Variants in FANK1 observed in about 807,000 individuals in gnomAD.
The protein encoded by FANK1 is fibronectin type III and ankyrin repeat domains 1.
A neutral mutation model predicts 45.3 loss-of-function variants in FANK1; 44 were observed. The observed-to-expected ratio is 0.97, with a 90% confidence interval of 0.76 to 1.25. The LOEUF is 1.25. Ranked by LOEUF, FANK1 falls within the 50% of genes most tolerant of loss-of-function variation. The pLI is 0.00. For missense variants in FANK1, 391 were observed against 424.4 expected (o/e 0.92, Z 0.69); for synonymous variants, 149 against 152.5 (o/e 0.98, Z 0.17).
At chr10:125,970,282 C>G (rs1044753097) in intron 1 of FANK1, among the ~76,000 whole-genome samples, 2 of 150,116 alleles carry the variant, frequency 1.3e-5, no homozygotes, top group Non-Finnish European at 3.0e-5. Flanking sequence ...GGCTGCTGGG[C>G]GGGGGCGCCC....
intron 1 of FANK1, among the ~76,000 whole-genome samples, chr10:125,949,934 C>A (rs1165681642): frequency 1.4e-5 from 2 of 138,456 alleles, no homozygotes; most frequent in East Asian, 2.1e-4. Flanking sequence ...ATCAATGGAA[C>A]AGAACAGAGC....
In FANK1 at chr10:125,997,689, G is replaced by A. The variant is rs185380267; in HGVS notation, c.539+204G>A. ...GTGCTTTTGCTCACCAGGGTGCTTA[G>A]GGGGGCATCTGTTGTAACGTATGGT... is the stretch of plus-strand genomic sequence containing the variant. On this transcript the variant is annotated intron_variant, in intron 6 of 10. Transcript: ENST00000368693. 4.6e-5 allele frequency among the ~76,000 whole-genome samples: 7 copies of A among 152,342 alleles called. No individual in the cohort carries two copies. In the South Asian group the frequency reaches 6.2e-4, roughly 14 times the overall value.
At chr10:125,967,529 A>G (rs1007013484) in intron 1 of FANK1, among the ~76,000 whole-genome samples, 2 of 152,236 alleles carry the variant, frequency 1.3e-5, no homozygotes, top group Non-Finnish European at 1.5e-5. Flanking sequence ...AATTGTGCTG[A>G]TAATTGAAGC....
chr10:125,992,054 A>T (rs1035402138), intron 3 of FANK1, among the ~76,000 whole-genome samples: 1 of 151,624 alleles, frequency 6.6e-6, no homozygotes, highest in African/African-American at 2.4e-5. Flanking sequence ...TCAGGGTAAA[A>T]CACTAGAAAA....
chr10:126,003,687 A>AT (rs1554951875), intron 6 of FANK1, among the ~76,000 whole-genome samples: 1 of 125,242 alleles, frequency 8.0e-6, no homozygotes, highest in East Asian at 2.4e-4. Context: ...TATTTTTTTT[A>AT]TTTTTTGAGA....
chr10:125,898,546 T>C (rs1944767518), intron 1 of FANK1, among the ~76,000 whole-genome samples: 1 of 152,054 alleles, frequency 6.6e-6, no homozygotes, highest in Non-Finnish European at 1.5e-5. Flanking sequence ...TACTTGTACA[T>C]AGGCCCTGAG....
intron 1 of FANK1, among the ~76,000 whole-genome samples, chr10:125,935,571 G>A (rs73368642): frequency 0.015 from 2,306 of 152,156 alleles, 58 homozygotes; most frequent in African/African-American, 0.051. Flanking sequence ...TTGTCTTTAA[G>A]AAAAAGAATG....
At chr10:126,005,149 A>G in intron 7 of FANK1, 100 bp downstream of exon 7, 7 of 1,411,626 alleles carry the variant, frequency 5.0e-6, no homozygotes, top group Non-Finnish European at 6.7e-6. Context: ...AGCTAACCTT[A>G]GAAATGCTGG....
rs143777606 is a variant in FANK1, at chr10:125,931,743, T to C, written c.13+35088T>C. Among the ~76,000 whole-genome samples, 105 of 152,358 alleles carry C rather than the reference T, an allele frequency of 6.9e-4. No individual in the cohort carries two copies. In the South Asian group the frequency reaches 9.7e-3, roughly 14 times the overall value. On this transcript the variant is annotated intron_variant, in intron 1 of 10. Transcript: ENST00000368693. ...TCCCAACTATTTATCTTTGTTTTTA[T>C]TGCATTTGCTTTTGGGTTCTTGGTC...
rs116674999 is a variant in FANK1, at chr10:125,975,965, G to A, written c.14-4196G>A. Reference sequence around the variant, plus strand: ...GTGTATTTTTGTATCAGCTGGTAGCGGTCTTTCCTTTCTATATTTACTGTT... The same window carrying A: ...GTGTATTTTTGTATCAGCTGGTAGCAGTCTTTCCTTTCTATATTTACTGTT... On this transcript the variant is annotated intron_variant, in intron 1 of 10. Coordinates refer to ENST00000368693, the MANE Select transcript of FANK1 (RefSeq NM_145235.5). Among the ~76,000 whole-genome samples, 1,303 of 152,134 alleles carry A rather than the reference G, an allele frequency of 8.6e-3. 23 individuals carry two copies. Among genetic ancestry groups the A allele is most frequent in the African/African-American group, 0.03 (1,239 of 41,484 alleles).
intron 1 of FANK1, among the ~76,000 whole-genome samples, chr10:125,930,197 T>C (rs1947656023): frequency 6.7e-6 from 1 of 150,034 alleles, no homozygotes; most frequent in Non-Finnish European, 1.5e-5. Context: ...TGGGATTACA[T>C]GTGCCTGGCT....
chr10:125,937,582 A>G (rs544667550), intron 1 of FANK1, among the ~76,000 whole-genome samples: 1 of 152,326 alleles, frequency 6.6e-6, no homozygotes, highest in African/African-American at 2.4e-5. Flanking sequence ...AAACTATGGT[A>G]TGGACAATGG....
At chr10:125,896,923 G>T (rs1341442462) in intron 1 of FANK1, among the ~76,000 whole-genome samples, 2 of 152,170 alleles carry the variant, frequency 1.3e-5, no homozygotes, top group Non-Finnish European at 2.9e-5. Context: ...GGGTGGGGAA[G>T]GGCGCAGCGA....
At chr10:125,945,950 C>T (rs1387280076) in intron 1 of FANK1, among the ~76,000 whole-genome samples, 1 of 152,146 alleles carries the variant, frequency 6.6e-6, no homozygotes, top group African/African-American at 2.4e-5. Context: ...ACCACTGACC[C>T]CTGACCCCCG....
chr10:126,009,500 G>T lies in FANK1; in HGVS notation c.*62G>T. 1 of 1,562,488 alleles carries T rather than the reference G, an allele frequency of 6.4e-7. No individual in the cohort carries two copies. The highest frequency in any genetic ancestry group is 1.2e-5 in the South Asian group (1 of 86,764). ...AAAGTGAACCGTGACTGTTAAACTA[G>T]GGATGGGAAATTCTGCATCTTGGGG... On this transcript the variant is annotated 3_prime_UTR_variant, in exon 11 of 11. Transcript: ENST00000368693.
chr10:125,907,766 G>C (rs1945656567), intron 1 of FANK1, among the ~76,000 whole-genome samples: 2 of 152,134 alleles, frequency 1.3e-5, no homozygotes, highest in South Asian at 2.1e-4. Flanking sequence ...ACAGCAGGTG[G>C]TGTCTAGGAC....
chr10:125,904,436 ATTTT>A (rs200215701), intron 1 of FANK1, among the ~76,000 whole-genome samples: 4 of 128,846 alleles, frequency 3.1e-5, no homozygotes, highest in South Asian at 2.5e-4. Flanking sequence ...AACATTACAG[ATTTT>A]TTTTTTTTTT....
intron 1 of FANK1, among the ~76,000 whole-genome samples, chr10:125,967,280 G>T (rs748871261): frequency 6.6e-6 from 1 of 152,184 alleles, no homozygotes; most frequent in African/African-American, 2.4e-5. Flanking sequence ...TTGAATCCTG[G>T]CTCTGCTGCT....
At chr10:125,951,784 A>G (rs1337977536) in intron 1 of FANK1, among the ~76,000 whole-genome samples, 3 of 152,064 alleles carry the variant, frequency 2.0e-5, no homozygotes, top group Non-Finnish European at 1.5e-5. Context: ...CCTTCCGTTG[A>G]GTTTAAATTT....
Sources: allele counts gnomAD v4.1 joint callset (sites outside exome capture counted in the v4.1 genomes callset), GRCh38; gene constraint gnomAD v4.1.1; transcripts MANE v1.5; gene names NCBI Gene and HGNC (gene_info 2026-07-23, HGNC 2026-07-21).